Variants in NEB observed in about 807,000 individuals in gnomAD.
The protein encoded by NEB is nemaline myopathy type 2.
Under a neutral mutation model 952.2 loss-of-function variants are expected in NEB, and 512 were observed. The observed-to-expected ratio is 0.54, with a 90% confidence interval of 0.50 to 0.58. The LOEUF is 0.58. NEB is among the 20% of genes least tolerant of loss of function. The pLI is 0.00. For synonymous variants in NEB, 2,900 were observed against 3,149.8 expected (o/e 0.92, Z 2.66); for missense variants, 8,428 against 9,231.1 (o/e 0.91, Z 3.56).
chr2:151,654,752 G>C (rs753978077), intron 51 of NEB, among the ~76,000 whole-genome samples: 1 of 152,192 alleles, frequency 6.6e-6, no homozygotes, highest in Non-Finnish European at 1.5e-5. Context: ...GATGAGGAAA[G>C]TGAGACTTAG....
intron 181 of NEB, among the ~76,000 whole-genome samples, chr2:151,489,423 G>A (rs959645794): frequency 6.6e-6 from 1 of 152,124 alleles, no homozygotes; most frequent in African/African-American, 2.4e-5. Flanking sequence ...TTTTGAGACA[G>A]GGTCTCCCTC....
In NEB at chr2:151,644,135, G is replaced by C. The variant is rs1560924173; in HGVS notation, c.7645-6C>G. ...AAGCCTTCCTTGTACTTGTACTAGA[G>C]AAAAAAAATGTGTCTCATTCCTTTC... On this transcript the variant is annotated splice_region_variant and splice_polypyrimidine_tract_variant and intron_variant, in intron 56 of 181. Coordinates refer to ENST00000397345, the MANE Select transcript of NEB (RefSeq NM_001164508.2). 6.2e-7 allele frequency: 1 copy of C among 1,606,278 alleles called. No homozygotes were observed. Among genetic ancestry groups the C allele is most frequent in the Non-Finnish European group, 8.5e-7 (1 of 1,176,000 alleles).
chr2:151,612,873 G>A (rs1341700123), intron 77 of NEB, among the ~76,000 whole-genome samples: 2 of 152,084 alleles, frequency 1.3e-5, no homozygotes, highest in Non-Finnish European at 2.9e-5. Context: ...TTTTTCGTAT[G>A]CTTCTATGTA....
intron 124 of NEB, among the ~76,000 whole-genome samples, chr2:151,555,428 C>T (rs1044326794): frequency 2.6e-5 from 4 of 152,186 alleles, no homozygotes; most frequent in South Asian, 4.1e-4. Flanking sequence ...AAAAGGAGTG[C>T]GAGATTAAAA....
intron 102 of NEB, among the ~76,000 whole-genome samples, chr2:151,581,816 T>C (rs968806574): frequency 2.1e-5 from 3 of 141,410 alleles, no homozygotes; most frequent in African/African-American, 7.7e-5. Context: ...AAGTTCTTTT[T>C]GGATGTTCTC....
chr2:151,498,123 G>GAAAGT (rs1553554910), intron 170 of NEB, 137 bp downstream of exon 170: 5 of 1,511,210 alleles, frequency 3.3e-6, no homozygotes, highest in South Asian at 2.5e-5. Flanking sequence ...ATAGAAATGG[G>GAAAGT]AAAGTATATC....
chr2:151,633,665 G>C lies in NEB; in HGVS notation c.9403C>G (p.Leu3135Val). The change falls in exon 65 of 182, where the codon CTC becomes GTC. Residue 3135 changes from leucine (L) to valine (V), a missense_variant. Physicochemically the swap from Leu to Val is conservative, Grantham distance 32. Transcript: ENST00000397345. ...GATGCTGTACTCACGTCACTCTGGA[G>C]GTCATAGGCCTGCCGAGCATGGATG... Reference protein sequence around the residue: ...DVIHARQAYDLQSDNIYKSDL... With the variant: ...DVIHARQAYDVQSDNIYKSDL... 1 of 1,612,368 alleles carries C rather than the reference G, an allele frequency of 6.2e-7. No homozygotes were observed.
intron 9 of NEB, among the ~76,000 whole-genome samples, chr2:151,720,801 GC>G (rs2099772163): frequency 6.6e-6 from 1 of 152,118 alleles, no homozygotes; most frequent in Non-Finnish European, 1.5e-5. Context: ...CCAAAACTCT[GC>G]CCTTGGCCAT....
At position 151,724,274 on chromosome 2, in the gene NEB, C is replaced by A. The variant is rs116678485; in HGVS notation, c.598G>T (p.Ala200Ser). The change falls in exon 8 of 182, where the codon GCC becomes TCC. Residue 200 changes from alanine to serine, a missense_variant. Coordinates refer to ENST00000397345, the MANE Select transcript of NEB (RefSeq NM_001164508.2). ...CAGACCCTTACCTTGCTGAACATGG[C>A]GGTGTTCTTAACGGCCTGGACAAGT... ...PELVQAVKNT[A>S]MFSKKLYTED... The A allele has an allele frequency of 1.2e-6, 2 of 1,612,378 alleles. No homozygotes were observed. Among genetic ancestry groups the A allele is most frequent in the African/African-American group, 1.3e-5 (1 of 74,990 alleles).
intron 162 of NEB, 123 bp downstream of exon 162, chr2:151,507,882 G>C: frequency 3.0e-6 from 2 of 674,506 alleles, no homozygotes; most frequent in Non-Finnish European, 5.3e-6. Context: ...CATTTCCTGG[G>C]GCAGGATGGG....
At chr2:151,669,798 C>T (rs1480612554) in intron 38 of NEB, among the ~76,000 whole-genome samples, 2 of 152,110 alleles carry the variant, frequency 1.3e-5, no homozygotes, top group Admixed American at 6.5e-5. Context: ...TGATTTGATT[C>T]GTGTTTTAAG....
At chr2:151,703,262 A>T (rs2099684489) in intron 13 of NEB, among the ~76,000 whole-genome samples, 1 of 98,718 alleles carries the variant, frequency 1.0e-5, no homozygotes, top group Non-Finnish European at 2.2e-5. Flanking sequence ...TTTGAGGGTA[A>T]CCCGACCTTT....
At chr2:151,664,414 A>C (rs2099185699) in intron 44 of NEB, 87 bp downstream of exon 44, 3 of 984,638 alleles carry the variant, frequency 3.0e-6, no homozygotes, top group Non-Finnish European at 4.4e-6. Context: ...CCCTGAATGG[A>C]GCTGACCACT....
In NEB at chr2:151,635,721, A is replaced by AAG. The variant is rs1208776875; in HGVS notation, c.9102+505_9102+506insCT. Among the ~76,000 whole-genome samples the AAG allele has an allele frequency of 2.0e-5, 3 of 151,822 alleles. No homozygotes were observed. The East Asian group carries it at 5.8e-4, about 29-fold the overall frequency. On this transcript the variant is annotated intron_variant, in intron 64 of 181. Transcript: ENST00000397345. Reference sequence around the variant, plus strand: ...AACTCTGTCTCCAAAAAAAAAAAAAAAAAAAGAGTGTAACCTTAGGTCAGC... The same window carrying AAG: ...AACTCTGTCTCCAAAAAAAAAAAAAAAGAAAAAGAGTGTAACCTTAGGTCAGC...
At position 151,643,298 on chromosome 2, in the gene NEB, C is replaced by T; in HGVS notation, c.8012G>A (p.Gly2671Asp). Residue 2671 changes from glycine (G) to aspartate (D), a missense_variant, in exon 58 of 182, where the codon GGT becomes GAT. Physicochemically the swap from Gly to Asp is moderately conservative, Grantham distance 94. Transcript: ENST00000397345. ...WLKGIGWMTS[G>D]SLEDEKNKRA... is the part of the protein sequence containing the mutation. ...TTTATTTTTCTCATCCTCGAGAGAA[C>T]CACTAGTCATCCAGCCAATGCCTTT... is the stretch of plus-strand genomic sequence containing the variant. 6.2e-7 allele frequency: 1 copy of T among 1,613,876 alleles called. No individual in the cohort carries two copies. Among genetic ancestry groups the T allele is most frequent in the Non-Finnish European group, 8.5e-7 (1 of 1,179,832 alleles).
chr2:151,704,532 TC>T (rs1202340145), intron 13 of NEB, among the ~76,000 whole-genome samples: 1 of 151,898 alleles, frequency 6.6e-6, no homozygotes, highest in African/African-American at 2.4e-5. Context: ...CGTAGGACCC[TC>T]CGAGCCAGGT....
intron 35 of NEB, 21 bp from the exon 36 acceptor site, chr2:151,674,605 A>T: frequency 6.5e-7 from 1 of 1,534,968 alleles, no homozygotes; most frequent in Non-Finnish European, 9.0e-7. Context: ...AAGCAAACAG[A>T]ATGTCAGCAT....
At chr2:151,569,218 G>T in intron 110 of NEB, 50 bp downstream of exon 110, 1 of 1,459,400 alleles carries the variant, frequency 6.9e-7, no homozygotes, top group Non-Finnish European at 9.6e-7. Context: ...TGTGCATTTT[G>T]TCACTTTCTT....
At chr2:151,636,463 T>G in intron 63 of NEB, 129 bp from the exon 64 acceptor site, 1 of 747,252 alleles carries the variant, frequency 1.3e-6, no homozygotes, top group Non-Finnish European at 2.1e-6. Flanking sequence ...TTCTAAGCCT[T>G]CTGCATGTTT....
Sources: gnomAD v4.1 joint callset for allele counts (sites outside exome capture counted in the v4.1 genomes callset) on GRCh38, gnomAD v4.1.1 for gene constraint, MANE v1.5 for transcripts, NCBI Gene and HGNC (gene_info 2026-07-23, HGNC 2026-07-21) for gene names.